MACROD2: variants seen among roughly 807,000 people sequenced by gnomAD.
The protein encoded by MACROD2 is ADP-ribose glycohydrolase MACROD2.
In MACROD2, 36 loss-of-function variants were observed where a neutral mutation model predicts 70.4. The observed-to-expected ratio is 0.51, with a 90% CI of 0.39 to 0.68. The LOEUF is 0.68. Among genes scored for constraint, MACROD2 ranks in the 30% least tolerant of loss-of-function variants. The probability of loss-of-function intolerance (pLI) is 0.00; values close to 1 mark genes in which losing one functional copy is unlikely to be tolerated. For synonymous variants in MACROD2, 172 were observed against 178.8 expected (o/e 0.96, Z 0.30); for missense variants, 496 against 538.4 (o/e 0.92, Z 0.78).
chr20:15,070,247 G>T (rs1172003159), intron 5 of MACROD2, among the ~76,000 whole-genome samples: 2 of 152,122 alleles, frequency 1.3e-5, no homozygotes, highest in Non-Finnish European at 2.9e-5. Flanking sequence ...TTCTACCATT[G>T]TATCTTGGAA....
rs570237978 is a variant in MACROD2, at chr20:15,138,567, G to A, written c.419-91373G>A. 1.6e-3 allele frequency among the ~76,000 whole-genome samples: 237 copies of A among 152,164 alleles called. 1 individual carries two copies. Among genetic ancestry groups the A allele is most frequent in the African/African-American group, 5.2e-3 (214 of 41,538 alleles). Reference sequence around the variant, plus strand: ...TCAGCTAGATTGGTCTAAAAGAAATGGTTTAATTTTCTCTCAAATAATTCA... The same window carrying A: ...TCAGCTAGATTGGTCTAAAAGAAATAGTTTAATTTTCTCTCAAATAATTCA... On this transcript the variant is annotated intron_variant, in intron 5 of 17. Transcript: ENST00000684519.
intron 3 of MACROD2, among the ~76,000 whole-genome samples, chr20:14,399,022 T>C (rs1331849142): frequency 3.0e-5 from 2 of 67,350 alleles, no homozygotes; most frequent in African/African-American, 1.1e-4. Flanking sequence ...TCAATGAGTA[T>C]TTTTTTTTTT....
chr20:15,186,537 T>C (rs1030152975), intron 5 of MACROD2, among the ~76,000 whole-genome samples: 5 of 152,186 alleles, frequency 3.3e-5, no homozygotes, highest in African/African-American at 1.2e-4. Flanking sequence ...AAACAGGAAG[T>C]GCTAAATAAG....
At chr20:14,548,248 A>T (rs531111347) in intron 4 of MACROD2, among the ~76,000 whole-genome samples, 8 of 152,264 alleles carry the variant, frequency 5.3e-5, no homozygotes, top group African/African-American at 1.9e-4. Flanking sequence ...CAGAGTATGA[A>T]AAATATTTGC....
intron 1 of MACROD2, among the ~76,000 whole-genome samples, chr20:13,996,690 A>G (rs1458609218): frequency 1.3e-5 from 2 of 152,118 alleles, no homozygotes; most frequent in South Asian, 2.1e-4. Flanking sequence ...ACAGTTTGGT[A>G]ATATTCTAAC....
rs900160157 is a variant in MACROD2 at position 14,516,081 on chromosome 20, A to ATAAC, written c.301+22576_301+22577insCTAA. Among the ~76,000 whole-genome samples, 3 of 149,716 alleles carry ATAAC rather than the reference A, an allele frequency of 2.0e-5. No individual in the cohort carries two copies. The Admixed American group carries it at 2.0e-4, about 10-fold the overall frequency. On this transcript the variant is annotated intron_variant, in intron 4 of 17. Transcript: ENST00000684519. ...AAATCATTATCTCTCAAATAAATAA[A>ATAAC]TAAATAAATAAGAAAGAAATTTACC...
At chr20:14,441,879 C>T (rs984828399) in intron 3 of MACROD2, among the ~76,000 whole-genome samples, 7 of 151,950 alleles carry the variant, frequency 4.6e-5, no homozygotes, top group Non-Finnish European at 8.8e-5. Context: ...TACGCGTTTA[C>T]GAAGAAATGA....
chr20:15,823,371 T>C (rs980524604), intron 8 of MACROD2, among the ~76,000 whole-genome samples: 1 of 151,744 alleles, frequency 6.6e-6, no homozygotes, highest in Non-Finnish European at 1.5e-5. Flanking sequence ...AAGACCAATA[T>C]CTGCTGAATA....
intron 5 of MACROD2, among the ~76,000 whole-genome samples, chr20:14,792,627 C>G (rs2072463925): frequency 6.6e-6 from 1 of 152,078 alleles, no homozygotes; most frequent in Non-Finnish European, 1.5e-5. Context: ...GGCTAAAGCA[C>G]CTGCACCTTG....
intron 4 of MACROD2, among the ~76,000 whole-genome samples, chr20:14,588,768 A>C (rs2123368368): frequency 6.6e-6 from 1 of 152,244 alleles, no homozygotes; most frequent in Non-Finnish European, 1.5e-5. Context: ...GGCCAAGGCT[A>C]TATATTATCT....
At chr20:14,265,058 T>C (rs1322562323) in intron 3 of MACROD2, among the ~76,000 whole-genome samples, 1 of 152,234 alleles carries the variant, frequency 6.6e-6, no homozygotes, top group African/African-American at 2.4e-5. Flanking sequence ...TTTCATGTGC[T>C]GCTTCTGTTC....
chr20:14,034,255 T>C (rs2053281443), intron 2 of MACROD2, among the ~76,000 whole-genome samples: 1 of 152,224 alleles, frequency 6.6e-6, no homozygotes. Context: ...ATTACAGGCG[T>C]GAGCCACCGC....
At chr20:15,701,452 A>G (rs532776136) in intron 8 of MACROD2, among the ~76,000 whole-genome samples, 2 of 152,162 alleles carry the variant, frequency 1.3e-5, no homozygotes, top group Non-Finnish European at 2.9e-5. Flanking sequence ...TTATATATTT[A>G]CTTCTTTTAA....
chr20:15,477,740 G>A (rs569490601), intron 7 of MACROD2, among the ~76,000 whole-genome samples: 15 of 152,284 alleles, frequency 9.9e-5, no homozygotes, highest in African/African-American at 3.6e-4. Flanking sequence ...TCCTTGCATG[G>A]CAAAAGAGAC....
chr20:14,859,355 T>C (rs991737915), intron 5 of MACROD2, among the ~76,000 whole-genome samples: 2 of 152,152 alleles, frequency 1.3e-5, no homozygotes, highest in African/African-American at 4.8e-5. Context: ...GGTGTGGAAT[T>C]AAGAAAAAGG....
At chr20:14,424,029 T>A (rs1456259284) in intron 3 of MACROD2, among the ~76,000 whole-genome samples, 2 of 152,062 alleles carry the variant, frequency 1.3e-5, no homozygotes, top group Non-Finnish European at 2.9e-5. Context: ...CCCAGACTGC[T>A]GGGATTACAG....
intron 4 of MACROD2, among the ~76,000 whole-genome samples, chr20:14,538,587 C>G (rs2085395272): frequency 6.6e-6 from 1 of 152,164 alleles, no homozygotes; most frequent in African/African-American, 2.4e-5. Flanking sequence ...TCCCACCTCT[C>G]TACGCATGAC....
intron 7 of MACROD2, among the ~76,000 whole-genome samples, chr20:15,480,243 C>T (rs1231967028): frequency 1.3e-5 from 2 of 152,142 alleles, no homozygotes; most frequent in Non-Finnish European, 2.9e-5. Flanking sequence ...ATAATTAAGA[C>T]TCTAAACACC....
chr20:14,205,775 G>A (rs1356520679), intron 3 of MACROD2, among the ~76,000 whole-genome samples: 1 of 152,192 alleles, frequency 6.6e-6, no homozygotes, highest in Admixed American at 6.5e-5. Flanking sequence ...CCCTAGTGTA[G>A]GAGAAAAATA....
Sources: allele counts gnomAD v4.1 joint callset (sites outside exome capture counted in the v4.1 genomes callset), GRCh38; gene constraint gnomAD v4.1.1; transcripts MANE v1.5; gene names NCBI Gene and HGNC (gene_info 2026-07-23, HGNC 2026-07-21).